The following IL17B variants were observed in gnomAD, a reference collection of about 807,000 sequenced individuals.
IL17B encodes interleukin-17B.
IL17B carries 14 observed loss-of-function variants against 14.7 expected under a neutral mutation model. That is an observed-to-expected ratio of 0.95 (90% CI 0.63 to 1.49). IL17B has a LOEUF of 1.49. IL17B is among the 40% of genes most tolerant of loss of function. The pLI is 0.00. For missense variants in IL17B, 233 were observed against 252.8 expected (o/e 0.92, Z 0.53); for synonymous variants, 105 against 94.8 (o/e 1.11, Z -0.62).
At chr5:149,385,785 G>A (rs1333342206) in intron 1 of IL17B, among the ~76,000 whole-genome samples, 1 of 152,226 alleles carries the variant, frequency 6.6e-6, no homozygotes, top group Non-Finnish European at 1.5e-5. Context: ...GTCTGGGTCT[G>A]TTTTGGGTGG....
rs1243465390 is a variant in IL17B, at chr5:149,391,517, AG to A, written n.95+12590del. Among the ~76,000 whole-genome samples the A allele has an allele frequency of 2.0e-5, 3 of 152,192 alleles. No individual in the cohort carries two copies. The East Asian group carries it at 5.8e-4, about 29-fold the overall frequency. ...GAATTCTTCCCAATTTTAGAGTTTT[AG>A]GGGGCTTAAGTTTCTCCTAAATTAG... On this transcript the variant is annotated intron_variant and non_coding_transcript_variant, in intron 1 of 2. Coordinates refer to the IL17B transcript ENST00000505432.
chr5:149,379,251 C>T lies in IL17B; in HGVS notation c.-26G>A. 1 of 1,613,688 alleles carries T rather than the reference C, an allele frequency of 6.2e-7. No homozygotes were observed. Among genetic ancestry groups the T allele is most frequent in the Non-Finnish European group, 8.5e-7 (1 of 1,179,814 alleles). On this transcript the variant is annotated 5_prime_UTR_variant, in exon 1 of 3. Transcript: ENST00000261796. ...TCCGCCAAGCTGCAAGGTCAGCCTG[C>T]AGCTGCTGCCCGCCTGGAACCCCAG...
intron 1 of IL17B, among the ~76,000 whole-genome samples, chr5:149,398,908 G>T (rs1759152353): frequency 6.6e-6 from 1 of 152,152 alleles, no homozygotes; most frequent in African/African-American, 2.4e-5. Context: ...TCTCAAAAAA[G>T]AAGTTATTGG....
intron 1 of IL17B, among the ~76,000 whole-genome samples, chr5:149,394,747 T>C (rs531477584): frequency 4.6e-5 from 7 of 152,348 alleles, no homozygotes; most frequent in Non-Finnish European, 1.0e-4. Flanking sequence ...TTCTTTCTTT[T>C]AGCGTATGGC....
intron 1 of IL17B, among the ~76,000 whole-genome samples, chr5:149,377,498 T>C (rs896027136): frequency 6.6e-6 from 1 of 152,234 alleles, no homozygotes; most frequent in African/African-American, 2.4e-5. Flanking sequence ...TTCCACACAC[T>C]GTCATATCTC....
chr5:149,379,406 G>A (rs1043740064), upstream of IL17B: 22 of 687,686 alleles, frequency 3.2e-5, no homozygotes, highest in Non-Finnish European at 4.2e-5. Flanking sequence ...GCTGAGCCTA[G>A]CGCAGTGGCA....
chr5:149,374,659 C>T lies in IL17B; in HGVS notation c.312-59G>A. On this transcript the variant is annotated intron_variant, in intron 2 of 2. Transcript: ENST00000261796. The surrounding 1 kb of genome is among the most constrained non-coding windows in gnomAD (Gnocchi z 5.0). ...GTGATCAGGAAAGGGCCAGTCAGCACCCATACTCCACACCCCTGCCTTTCC... is the reference window on the plus strand; with the variant it reads ...GTGATCAGGAAAGGGCCAGTCAGCATCCATACTCCACACCCCTGCCTTTCC... 7.5e-7 allele frequency: 1 copy of T among 1,332,320 alleles called. No individual in the cohort carries two copies. The highest frequency in any genetic ancestry group is 1.1e-6 in the Non-Finnish European group (1 of 947,068). The allele number at this position is 1,332,320 out of a possible 1,614,324, so 82.5% of individuals were successfully genotyped here.
chr5:149,383,952 G>A (rs1043275315), upstream of IL17B, among the ~76,000 whole-genome samples: 2 of 152,180 alleles, frequency 1.3e-5, no homozygotes, highest in Admixed American at 6.5e-5. Flanking sequence ...GTGTTTCTGG[G>A]TTGCAAATTG....
In IL17B at chr5:149,374,605, A is replaced by G. The variant is rs770992357; in HGVS notation, c.312-5T>C. ...CGGCTGGGGTCGTGGTTGATGCTGC[A>G]GGGAGCAGAAGAAAGAGCAGAGCGG... On this transcript the variant is annotated splice_region_variant and splice_polypyrimidine_tract_variant and intron_variant, in intron 2 of 2. Transcript: ENST00000261796. The surrounding 1 kb of genome is among the most constrained non-coding windows in gnomAD (Gnocchi z 5.0). The G allele has an allele frequency of 1.2e-6, 2 of 1,604,258 alleles. No homozygotes were observed. Among genetic ancestry groups the G allele is most frequent in the Admixed American group, 3.3e-5 (2 of 59,816 alleles).
At chr5:149,382,829 G>GAGC (rs542213759), upstream of IL17B, among the ~76,000 whole-genome samples, 138 of 152,374 alleles carry the variant, frequency 9.1e-4, no homozygotes, top group Middle Eastern at 3.4e-3. Flanking sequence ...TCATCAAGGG[G>GAGC]ATCCGAGAGC....
At chr5:149,379,734 C>T (rs538528104), upstream of IL17B, among the ~76,000 whole-genome samples, 5 of 152,294 alleles carry the variant, frequency 3.3e-5, no homozygotes, top group Admixed American at 2.0e-4. Flanking sequence ...GGCACTCCAG[C>T]CTCTGCCGGC....
chr5:149,383,399 G>T (rs1181378440), upstream of IL17B, among the ~76,000 whole-genome samples: 1 of 152,178 alleles, frequency 6.6e-6, no homozygotes, highest in African/African-American at 2.4e-5. Flanking sequence ...CGTTGGCAAG[G>T]CCAGGGGGAC....
At chr5:149,403,332 T>G (rs1210756737) in intron 1 of IL17B, among the ~76,000 whole-genome samples, 1 of 152,092 alleles carries the variant, frequency 6.6e-6, no homozygotes, top group Non-Finnish European at 1.5e-5. Context: ...GAGATCCTCC[T>G]GCCTCAGCCT....
intron 1 of IL17B, among the ~76,000 whole-genome samples, chr5:149,391,932 T>C (rs1239066216): frequency 6.6e-6 from 1 of 152,176 alleles, no homozygotes. Flanking sequence ...CTTCAAAGGA[T>C]GTCCTCCTTT....
intron 2 of IL17B, among the ~76,000 whole-genome samples, chr5:149,375,358 A>G (rs1038959130): frequency 1.3e-5 from 2 of 152,194 alleles, no homozygotes; most frequent in South Asian, 2.1e-4. Context: ...ATACGGGACA[A>G]GGAAGTGGGT....
At chr5:149,381,758 AAAC>A (rs1306254151), upstream of IL17B, among the ~76,000 whole-genome samples, 3 of 152,176 alleles carry the variant, frequency 2.0e-5, no homozygotes, top group Non-Finnish European at 2.9e-5. Context: ...TGGTTTCTAG[AAAC>A]CCCTGGAGGG....
At chr5:149,393,372 G>A (rs1366605989) in intron 1 of IL17B, among the ~76,000 whole-genome samples, 1 of 152,216 alleles carries the variant, frequency 6.6e-6, no homozygotes, top group East Asian at 1.9e-4. Context: ...TTAGCAATTG[G>A]CTCTTTACCT....
At position 149,374,660 on chromosome 5, in the gene IL17B, C is replaced by T. The variant is rs538389589; in HGVS notation, c.312-60G>A. The T allele has an allele frequency of 4.6e-5, 59 of 1,284,790 alleles. No individual in the cohort carries two copies. The South Asian group carries it at 7.0e-4, about 15-fold the overall frequency. 79.6% of individuals were successfully genotyped at this position (1,284,790 alleles called of 1,614,324 possible). ...TGATCAGGAAAGGGCCAGTCAGCAC[C>T]CATACTCCACACCCCTGCCTTTCCT... On this transcript the variant is annotated intron_variant, in intron 2 of 2. Coordinates refer to ENST00000261796, the MANE Select transcript of IL17B (RefSeq NM_014443.3). The surrounding 1 kb of genome is among the most constrained non-coding windows in gnomAD (Gnocchi z 5.0).
At chr5:149,395,524 C>T (rs1218734188) in intron 1 of IL17B, among the ~76,000 whole-genome samples, 1 of 152,208 alleles carries the variant, frequency 6.6e-6, no homozygotes, top group Admixed American at 6.5e-5. Flanking sequence ...TCTTATCCTA[C>T]TGTGCACATA....
Sources: gnomAD v4.1 joint callset for allele counts (sites outside exome capture counted in the v4.1 genomes callset) on GRCh38, gnomAD v4.1.1 for gene constraint, Gnocchi (gnomAD v3.1) non-coding constraint, MANE v1.5 for transcripts, NCBI Gene and HGNC (gene_info 2026-07-23, HGNC 2026-07-21) for gene names.